The following SKIC2 variants were observed in gnomAD, a reference collection of about 807,000 sequenced individuals.
The protein encoded by SKIC2 is superkiller complex protein 2.
chr6:31,963,374 C>T, the SKIC2 span: 16,736 of 1,506,568 alleles, frequency 0.011, 154 homozygotes, highest in Non-Finnish European at 0.013. The surrounding 1 kb of genome is among the most constrained non-coding windows in gnomAD (Gnocchi z 5.3). Flanking sequence ...TTCCTTCCCA[C>T]GTTCCCACCC....
At chr6:31,959,624 A>G in the SKIC2 span, 2 of 556,028 alleles carry the variant, frequency 3.6e-6, no homozygotes, top group Non-Finnish European at 6.3e-6. Context: ...GCTCTTTCAA[A>G]TGTGGCATTT....
At chr6:31,964,102 G>A in the SKIC2 span, 2 of 1,612,556 alleles carry the variant, frequency 1.2e-6, no homozygotes, top group Admixed American at 1.7e-5. This position sits in a 1 kb window ranked among gnomAD's most constrained non-coding sequence, Gnocchi z 5.0. Context: ...TCGCCTCCGT[G>A]GCTCTGACCG....
chr6:31,964,018 GGCCTCAC>G, the SKIC2 span: 18 of 1,612,696 alleles, frequency 1.1e-5, no homozygotes, highest in Non-Finnish European at 1.4e-5. This position sits in a 1 kb window ranked among gnomAD's most constrained non-coding sequence, Gnocchi z 5.0. Context: ...GCAGGCCTCA[GGCCTCAC>G]CTCCCTTGAC....
the SKIC2 span, chr6:31,961,121 TAGG>T: frequency 9.0e-4 from 1,449 of 1,611,620 alleles, 16 homozygotes; most frequent in Admixed American, 0.017. Context: ...GAGTGGGGTG[TAGG>T]AGAAGTCATG....
chr6:31,965,760 C>CT, the SKIC2 span: 1 of 1,478,476 alleles, frequency 6.8e-7, no homozygotes, highest in East Asian at 2.3e-5. The surrounding 1 kb of genome is among the most constrained non-coding windows in gnomAD (Gnocchi z 5.6). Flanking sequence ...TTTGCTGATC[C>CT]TTTCTGTTCT....
the SKIC2 span, chr6:31,963,999 C>T: frequency 6.2e-7 from 1 of 1,612,572 alleles, no homozygotes; most frequent in African/African-American, 1.3e-5. The surrounding 1 kb of genome is among the most constrained non-coding windows in gnomAD (Gnocchi z 5.3). Context: ...CCCGGGGCCG[C>T]TGTGATGAGC....
the SKIC2 span, chr6:31,959,584 A>G: frequency 1.7e-6 from 1 of 575,612 alleles, no homozygotes; most frequent in Non-Finnish European, 3.1e-6. Context: ...CAGAGCAGAA[A>G]GGGCTGGGGA....
the SKIC2 span, chr6:31,968,280 G>C: frequency 6.5e-7 from 1 of 1,528,954 alleles, no homozygotes; most frequent in Non-Finnish European, 9.0e-7. The surrounding 1 kb of genome is among the most constrained non-coding windows in gnomAD (Gnocchi z 6.1). Context: ...GAGGCTTCTG[G>C]GGGAGAGAAG....
At chr6:31,964,173 T>A in the SKIC2 span, 1 of 1,609,146 alleles carries the variant, frequency 6.2e-7, no homozygotes, top group African/African-American at 1.3e-5. The surrounding 1 kb of genome is among the most constrained non-coding windows in gnomAD (Gnocchi z 5.0). Flanking sequence ...TTTGGCAGAC[T>A]GGTGGGGATA....
chr6:31,959,838 C>G, the SKIC2 span: 1 of 604,928 alleles, frequency 1.7e-6, no homozygotes, highest in South Asian at 2.0e-5. Flanking sequence ...TTTCTGAAAT[C>G]CAAAATCTGC....
chr6:31,966,617 C>T, the SKIC2 span: 216 of 1,356,600 alleles, frequency 1.6e-4, 2 homozygotes, highest in East Asian at 2.9e-3. This position sits in a 1 kb window ranked among gnomAD's most constrained non-coding sequence, Gnocchi z 5.9. Context: ...GAGCTAGGAC[C>T]GGATCTGACG....
chr6:31,961,504 C>T, the SKIC2 span: 4 of 1,558,038 alleles, frequency 2.6e-6, no homozygotes, highest in Non-Finnish European at 3.5e-6. Context: ...AATTGAGAGC[C>T]CTCTGGTTGT....
the SKIC2 span, chr6:31,969,670 G>C: frequency 5.6e-6 from 9 of 1,608,210 alleles, no homozygotes; most frequent in Admixed American, 1.7e-5. This position sits in a 1 kb window ranked among gnomAD's most constrained non-coding sequence, Gnocchi z 6.1. Flanking sequence ...CGGCTACCTT[G>C]CTACGGCGGG....
At chr6:31,967,497 T>A in the SKIC2 span, 1 of 824,176 alleles carries the variant, frequency 1.2e-6, no homozygotes, top group Non-Finnish European at 2.0e-6. This position sits in a 1 kb window ranked among gnomAD's most constrained non-coding sequence, Gnocchi z 4.9. Flanking sequence ...CCTCTTGCCC[T>A]CCTTTTCACC....
chr6:31,961,228 C>T, the SKIC2 span: 2 of 1,613,848 alleles, frequency 1.2e-6, no homozygotes, highest in African/African-American at 1.3e-5. Context: ...ACTACTAAGC[C>T]TTAGCTGTAT....
At chr6:31,964,378 C>T in the SKIC2 span, 1 of 1,541,562 alleles carries the variant, frequency 6.5e-7, no homozygotes, top group South Asian at 1.1e-5. The surrounding 1 kb of genome is among the most constrained non-coding windows in gnomAD (Gnocchi z 5.0). Flanking sequence ...CCTCAGGGTG[C>T]TTGTTGCCCA....
chr6:31,969,660 C>T, the SKIC2 span: 20 of 1,609,808 alleles, frequency 1.2e-5, no homozygotes, highest in Admixed American at 6.7e-5. This position sits in a 1 kb window ranked among gnomAD's most constrained non-coding sequence, Gnocchi z 6.1. Flanking sequence ...ATGGAGACAG[C>T]GGCTACCTTG....
chr6:31,962,798 G>A, the SKIC2 span: 1 of 1,608,876 alleles, frequency 6.2e-7, no homozygotes. This position sits in a 1 kb window ranked among gnomAD's most constrained non-coding sequence, Gnocchi z 5.0. Context: ...ACGATGTCGA[G>A]GTAAGGGCCA....
the SKIC2 span, chr6:31,963,982 A>G: frequency 6.2e-7 from 1 of 1,611,882 alleles, no homozygotes; most frequent in African/African-American, 1.3e-5. The surrounding 1 kb of genome is among the most constrained non-coding windows in gnomAD (Gnocchi z 5.3). Context: ...GGTGGTGTTC[A>G]CCTTCTCCCG....
Sources: gnomAD v4.1 joint callset for allele counts on GRCh38, gnomAD v4.1.1 for gene constraint, Gnocchi (gnomAD v3.1) non-coding constraint, MANE v1.5 for transcripts, NCBI Gene and HGNC (gene_info 2026-07-23, HGNC 2026-07-21) for gene names.